SLIT2: variants seen among roughly 807,000 people sequenced by gnomAD.
SLIT2 encodes the protein slit guidance ligand 2, also known as slit homolog 2 protein.
A neutral mutation model predicts 185.7 loss-of-function variants in SLIT2; 41 were observed. The ratio of observed to expected loss-of-function variants is 0.22; its 90% CI spans 0.17 to 0.29. SLIT2 has a LOEUF of 0.29. SLIT2 is among the 10% of genes least tolerant of loss of function. The pLI is 1.00. For synonymous variants in SLIT2, 693 were observed against 680.2 expected (o/e 1.02, Z -0.29); for missense variants, 1,571 against 1,909.0 (o/e 0.82, Z 3.30).
At chr4:20,265,889 C>T (rs1334374135) in intron 3 of SLIT2, among the ~76,000 whole-genome samples, 1 of 151,830 alleles carries the variant, frequency 6.6e-6, no homozygotes, top group Non-Finnish European at 1.5e-5. Flanking sequence ...AATGTTTAGA[C>T]TATATTTTTT....
intron 30 of SLIT2, among the ~76,000 whole-genome samples, chr4:20,590,620 T>G (rs1036450261): frequency 4.6e-5 from 7 of 152,204 alleles, no homozygotes; most frequent in African/African-American, 1.7e-4. Flanking sequence ...TGTACTCCCT[T>G]AAGTGAACAC....
Position 20,265,482 on chromosome 4 carries a change from A to G in SLIT2, c.324-3328A>G, listed in dbSNP as rs1460565044. Reference sequence around the variant, plus strand: ...AAACGTATACTGTTTTGTTGTATCCATATTACCACATTACTTACGTTATCT... The same window carrying G: ...AAACGTATACTGTTTTGTTGTATCCGTATTACCACATTACTTACGTTATCT... On this transcript the variant is annotated intron_variant, in intron 3 of 36. Transcript: ENST00000504154. Among the ~76,000 whole-genome samples the G allele has an allele frequency of 2.6e-5, 4 of 152,072 alleles. No homozygotes were observed. In the East Asian group the frequency reaches 5.8e-4, roughly 22 times the overall value.
rs756856097 is a variant in SLIT2, at chr4:20,386,162, T to G, written c.396-81590T>G. ...AATAATTTGGGCTTTACTTAGAGCTTGTTGACTCTTTTTGCATGTAATTGT... is the reference window on the plus strand; with the variant it reads ...AATAATTTGGGCTTTACTTAGAGCTGGTTGACTCTTTTTGCATGTAATTGT... On this transcript the variant is annotated intron_variant, in intron 4 of 36. Coordinates refer to ENST00000504154, the MANE Select transcript of SLIT2 (RefSeq NM_004787.4). Among the ~76,000 whole-genome samples, 105 of 152,270 alleles carry G rather than the reference T, an allele frequency of 6.9e-4. 1 individual carries two copies. Among genetic ancestry groups the G allele is most frequent in the Non-Finnish European group, 3.5e-4 (24 of 68,022 alleles).
Position 20,567,406 on chromosome 4 carries a change from G to GAGTCAC in SLIT2, c.2850+24_2850+29dup. ...TTCAAGGTAAGTAAAAGCACTTTAA[G>GAGTCAC]AGTCACAGTTTGAGAGCATAACTTT... On this transcript the variant is annotated intron_variant, in intron 27 of 36. Coordinates refer to ENST00000504154, the MANE Select transcript of SLIT2 (RefSeq NM_004787.4). 2 of 1,613,086 alleles carry GAGTCAC rather than the reference G, an allele frequency of 1.2e-6. No individual in the cohort carries two copies. Among genetic ancestry groups the GAGTCAC allele is most frequent in the Non-Finnish European group, 1.7e-6 (2 of 1,179,346 alleles).
intron 4 of SLIT2, among the ~76,000 whole-genome samples, chr4:20,399,254 TTTATA>T (rs1726168020): frequency 6.6e-6 from 1 of 151,728 alleles, no homozygotes; most frequent in Non-Finnish European, 1.5e-5. Context: ...ACAATTATAA[TTTATA>T]TAAGAAAAAT....
At position 20,404,690 on chromosome 4, in the gene SLIT2, T is replaced by G. The variant is rs77843198; in HGVS notation, c.396-63062T>G. 5.2e-3 allele frequency among the ~76,000 whole-genome samples: 791 copies of G among 152,140 alleles called. 10 individuals are homozygous for G. Among genetic ancestry groups the G allele is most frequent in the African/African-American group, 0.018 (739 of 41,550 alleles). ...GAAAACCTAGAATTATTAGAAATCC[T>G]TGTCTGTCCTACATATTTAAACAAA... On this transcript the variant is annotated intron_variant, in intron 4 of 36. Transcript: ENST00000504154.
intron 4 of SLIT2, among the ~76,000 whole-genome samples, chr4:20,465,964 C>CT (rs34983010): frequency 0.18 from 26,061 of 145,972 alleles, 2,592 homozygotes; most frequent in Non-Finnish European, 0.23. Context: ...CTCTTTGAGG[C>CT]TTTTTTTTTT....
intron 4 of SLIT2, among the ~76,000 whole-genome samples, chr4:20,371,531 C>T (rs971838787): frequency 6.6e-6 from 1 of 152,080 alleles, no homozygotes; most frequent in Non-Finnish European, 1.5e-5. Context: ...CTGCTCTCCA[C>T]TCCCATCTTT....
intron 4 of SLIT2, among the ~76,000 whole-genome samples, chr4:20,444,583 C>T (rs962566556): frequency 6.6e-6 from 1 of 152,038 alleles, no homozygotes; most frequent in African/African-American, 2.4e-5. Context: ...ACATTTTGAC[C>T]GTATCACAGT....
chr4:20,323,247 A>C (rs1719261924), intron 4 of SLIT2, among the ~76,000 whole-genome samples: 1 of 152,134 alleles, frequency 6.6e-6, no homozygotes, highest in Non-Finnish European at 1.5e-5. Context: ...TCGTATCAAG[A>C]CTCTGATATC....
chr4:20,276,020 T>C (rs1346561048), intron 4 of SLIT2, among the ~76,000 whole-genome samples: 1 of 152,136 alleles, frequency 6.6e-6, no homozygotes, highest in East Asian at 1.9e-4. Flanking sequence ...TAAAATAATA[T>C]AAGATTACTC....
intron 26 of SLIT2, among the ~76,000 whole-genome samples, chr4:20,565,759 C>T (rs138877912): frequency 1.3e-5 from 2 of 151,982 alleles, no homozygotes; most frequent in Middle Eastern, 3.4e-3. Flanking sequence ...TCCCTTAATA[C>T]GGTCATCCTA....
intron 18 of SLIT2, among the ~76,000 whole-genome samples, chr4:20,538,290 C>A (rs1204129143): frequency 1.3e-5 from 2 of 152,086 alleles, no homozygotes; most frequent in Non-Finnish European, 2.9e-5. Context: ...CCCCCAGGGG[C>A]ATGTGACTCC....
At chr4:20,463,759 C>A (rs1489516961) in intron 4 of SLIT2, among the ~76,000 whole-genome samples, 1 of 150,374 alleles carries the variant, frequency 6.7e-6, no homozygotes, top group Non-Finnish European at 1.5e-5. Context: ...GCCTGTAGTC[C>A]CAGCTACTTG....
At chr4:20,332,952 A>G (rs1720192507) in intron 4 of SLIT2, among the ~76,000 whole-genome samples, 2 of 152,070 alleles carry the variant, frequency 1.3e-5, no homozygotes, top group African/African-American at 2.4e-5. Context: ...ATTATTTTCT[A>G]TTTTTAAAAG....
At chr4:20,416,498 C>A (rs1017483412) in intron 4 of SLIT2, among the ~76,000 whole-genome samples, 3 of 151,854 alleles carry the variant, frequency 2.0e-5, no homozygotes, top group South Asian at 4.2e-4. Context: ...TGGGGAGACA[C>A]AATTTAATCC....
At chr4:20,358,294 T>C (rs1722488767) in intron 4 of SLIT2, among the ~76,000 whole-genome samples, 2 of 152,118 alleles carry the variant, frequency 1.3e-5, no homozygotes. Context: ...CATAGCATAT[T>C]GGGAGCAAAG....
intron 4 of SLIT2, among the ~76,000 whole-genome samples, chr4:20,399,335 G>A (rs1050454108): frequency 6.6e-6 from 1 of 151,608 alleles, no homozygotes; most frequent in African/African-American, 2.4e-5. Context: ...CTATACCACA[G>A]TCTTAAGTCT....
intron 3 of SLIT2, among the ~76,000 whole-genome samples, chr4:20,262,380 G>A (rs888592724): frequency 3.3e-5 from 5 of 151,718 alleles, no homozygotes; most frequent in Non-Finnish European, 7.4e-5. Flanking sequence ...TTGTGGAACA[G>A]GTCTGAAAGA....
Sources: allele counts gnomAD v4.1 joint callset (sites outside exome capture counted in the v4.1 genomes callset), GRCh38; gene constraint gnomAD v4.1.1; transcripts MANE v1.5; gene names NCBI Gene and HGNC (gene_info 2026-07-23, HGNC 2026-07-21).